Variants in KLHL29 observed in about 807,000 individuals in gnomAD.
The protein encoded by KLHL29 is kelch-like protein 29.
KLHL29 carries 21 observed loss-of-function variants against 80.4 expected under a neutral mutation model. The ratio of observed to expected loss-of-function variants is 0.26; its 90% CI spans 0.19 to 0.38. The LOEUF is 0.38. Among genes scored for constraint, KLHL29 ranks in the 10% least tolerant of loss-of-function variants. The pLI, the probability that KLHL29 is intolerant of heterozygous loss-of-function variation, is 1.00. For synonymous variants in KLHL29, 511 were observed against 526.8 expected, an observed-to-expected ratio of 0.97 and a Z score of 0.41; for missense variants, 867 against 1,223.9, an observed-to-expected ratio of 0.71 and a Z score of 4.35.
intron 3 of KLHL29, among the ~76,000 whole-genome samples, chr2:23,575,766 G>A (rs995286471): frequency 1.1e-3 from 169 of 152,232 alleles, no homozygotes; most frequent in African/African-American, 3.9e-3. Flanking sequence ...GATAGAGGAG[G>A]AGAGAGAGAG....
chr2:23,644,317 C>A (rs923336056), intron 5 of KLHL29: 2 of 152,014 alleles, frequency 1.3e-5, no homozygotes, highest in Non-Finnish European at 2.9e-5. Flanking sequence ...AGTTCAAGTT[C>A]ATGAGTTACC....
intron 1 of KLHL29, among the ~76,000 whole-genome samples, chr2:23,388,083 T>C (rs1029161720): frequency 4.3e-4 from 65 of 152,158 alleles, no homozygotes; most frequent in African/African-American, 1.5e-3. Flanking sequence ...TGGTAACAAA[T>C]AGATTAAGGG....
chr2:23,521,351 A>C (rs916316309), intron 2 of KLHL29, among the ~76,000 whole-genome samples: 2 of 152,210 alleles, frequency 1.3e-5, no homozygotes, highest in Non-Finnish European at 2.9e-5. Context: ...CGTGCACTGG[A>C]AGTTTCCAAG....
At chr2:23,565,722 C>T (rs866329016) in intron 3 of KLHL29, among the ~76,000 whole-genome samples, 10 of 152,176 alleles carry the variant, frequency 6.6e-5, no homozygotes, top group African/African-American at 2.2e-4. Context: ...GAGCTGTGTC[C>T]GAGCTCACCA....
intron 3 of KLHL29, among the ~76,000 whole-genome samples, chr2:23,632,592 C>T (rs562191710): frequency 6.6e-6 from 1 of 152,238 alleles, no homozygotes; most frequent in Non-Finnish European, 1.5e-5. Flanking sequence ...ATGATTCCCC[C>T]CAGGGCAAGC....
At chr2:23,521,811 A>G (rs1049357161) in intron 2 of KLHL29, among the ~76,000 whole-genome samples, 1 of 152,260 alleles carries the variant, frequency 6.6e-6, no homozygotes, top group Non-Finnish European at 1.5e-5. Flanking sequence ...ACTCTTAAGC[A>G]GTCTGTGGTC....
intron 1 of KLHL29, among the ~76,000 whole-genome samples, chr2:23,471,730 A>G (rs1010011897): frequency 5.9e-5 from 9 of 152,170 alleles, no homozygotes; most frequent in African/African-American, 1.2e-4. Context: ...GAAAAGGTCA[A>G]TTTGGCCAAA....
chr2:23,525,799 G>T (rs1314976998), intron 2 of KLHL29, among the ~76,000 whole-genome samples: 1 of 149,172 alleles, frequency 6.7e-6, no homozygotes, highest in Admixed American at 6.9e-5. Context: ...TATCAGGTGC[G>T]CAGGACGCCC....
At chr2:23,447,288 A>G (rs1182009034) in intron 1 of KLHL29, among the ~76,000 whole-genome samples, 1 of 152,126 alleles carries the variant, frequency 6.6e-6, no homozygotes, top group Non-Finnish European at 1.5e-5. Context: ...CCCTCACTTC[A>G]TGATACTTCT....
chr2:23,623,692 T>C (rs1053720182), intron 3 of KLHL29, among the ~76,000 whole-genome samples: 7 of 152,182 alleles, frequency 4.6e-5, no homozygotes, highest in African/African-American at 1.7e-4. Flanking sequence ...TTCTGTGGAA[T>C]GCATGTGTGT....
intron 2 of KLHL29, among the ~76,000 whole-genome samples, chr2:23,519,335 C>G (rs534063289): frequency 2.4e-4 from 36 of 152,194 alleles, no homozygotes; most frequent in African/African-American, 7.5e-4. Context: ...TCCCCTCCCC[C>G]CCAGGCTCCC....
At chr2:23,415,312 G>A (rs577859460) in intron 1 of KLHL29, among the ~76,000 whole-genome samples, 18 of 152,316 alleles carry the variant, frequency 1.2e-4, no homozygotes, top group African/African-American at 4.3e-4. Context: ...TAGACACAAG[G>A]CAGGGGCTCA....
chr2:23,540,292 A>G (rs867155167), intron 2 of KLHL29, among the ~76,000 whole-genome samples: 5 of 152,256 alleles, frequency 3.3e-5, no homozygotes, highest in African/African-American at 1.2e-4. Flanking sequence ...ATTTGTATCA[A>G]TTACAATTAA....
At chr2:23,508,412 G>A (rs2103460073) in intron 2 of KLHL29, among the ~76,000 whole-genome samples, 1 of 152,320 alleles carries the variant, frequency 6.6e-6, no homozygotes, top group East Asian at 1.9e-4. Context: ...CCTCTACCGG[G>A]CTTTCTGCTC....
At chr2:23,554,745 C>T (rs1424176932) in intron 2 of KLHL29, among the ~76,000 whole-genome samples, 1 of 152,222 alleles carries the variant, frequency 6.6e-6, no homozygotes, top group Non-Finnish European at 1.5e-5. Context: ...TCTGCTCCAG[C>T]CCCACATGGA....
intron 6 of KLHL29, among the ~76,000 whole-genome samples, chr2:23,686,168 T>TC (rs11453237): frequency 1 from 152,126 of 152,126 alleles, 76,063 homozygotes; most frequent in Non-Finnish European, 1. Context: ...CAGATGGCCC[T>TC]CCAGAGGGGG....
At chr2:23,531,730 C>T (rs989972752) in intron 2 of KLHL29, among the ~76,000 whole-genome samples, 8 of 152,204 alleles carry the variant, frequency 5.3e-5, no homozygotes, top group Non-Finnish European at 1.0e-4. Context: ...ATTTCCAATT[C>T]CGCAGCAACT....
intron 3 of KLHL29, among the ~76,000 whole-genome samples, chr2:23,581,167 C>T (rs1667970354): frequency 6.6e-6 from 1 of 151,940 alleles, no homozygotes; most frequent in Non-Finnish European, 1.5e-5. Context: ...CTTCTGGTTT[C>T]TCCATGTTCT....
intron 2 of KLHL29, among the ~76,000 whole-genome samples, chr2:23,502,250 G>A (rs988420584): frequency 4.6e-5 from 7 of 152,224 alleles, no homozygotes; most frequent in Admixed American, 4.6e-4. Context: ...AATTGTGCCC[G>A]CCGAGCAGGA....
Sources: gnomAD v4.1 joint callset for allele counts (sites outside exome capture counted in the v4.1 genomes callset) on GRCh38, gnomAD v4.1.1 for gene constraint, MANE v1.5 for transcripts, NCBI Gene and HGNC (gene_info 2026-07-23, HGNC 2026-07-21) for gene names.